METTL25: variants seen among roughly 807,000 people sequenced by gnomAD.
METTL25 encodes probable methyltransferase-like protein 25.
A neutral mutation model predicts 71.6 loss-of-function variants in METTL25; 64 were observed. The ratio of observed to expected loss-of-function variants is 0.89; its 90% confidence interval spans 0.73 to 1.10. The LOEUF (loss-of-function observed/expected upper bound fraction) is 1.10, where lower values mean the gene tolerates loss of function less well. Ranked by LOEUF, METTL25 falls within the 50% of genes least tolerant of loss-of-function variation. METTL25 has a pLI of 0.00. For missense variants in METTL25, 807 were observed against 707.0 expected (o/e 1.14, Z -1.60); for synonymous variants, 287 against 250.3 (o/e 1.15, Z -1.38).
Position 82,366,508 on chromosome 12 carries a change from C to G in METTL25, c.259+7684C>G, listed in dbSNP as rs1266427773. Among the ~76,000 whole-genome samples the G allele has an allele frequency of 2.6e-5, 4 of 151,894 alleles. 1 individual carries two copies. The highest frequency in any genetic ancestry group is 4.4e-5 in the Non-Finnish European group (3 of 67,994). ...TCATCTGGTGTAATTATTTTACTAC[C>G]ATTTTAATTGAACAACACAGAAAGT... On this transcript the variant is annotated intron_variant, in intron 1 of 11. Coordinates refer to ENST00000248306, the MANE Select transcript of METTL25 (RefSeq NM_032230.3).
chr12:82,397,620 T>G (rs1455361446), intron 3 of METTL25, among the ~76,000 whole-genome samples: 2 of 152,050 alleles, frequency 1.3e-5, no homozygotes, highest in African/African-American at 4.8e-5. Flanking sequence ...TTGTGTTTGA[T>G]TTGTAGCAGA....
At chr12:82,365,499 ACC>A (rs980893497) in intron 1 of METTL25, among the ~76,000 whole-genome samples, 2 of 152,330 alleles carry the variant, frequency 1.3e-5, no homozygotes, top group African/African-American at 4.8e-5. Flanking sequence ...GATAAATATG[ACC>A]TATATCTTAT....
intron 5 of METTL25, among the ~76,000 whole-genome samples, chr12:82,420,986 G>A (rs188092569): frequency 2.6e-5 from 4 of 152,002 alleles, no homozygotes; most frequent in East Asian, 1.9e-4. Flanking sequence ...CTCAGCCTCC[G>A]AAGTAGCTCG....
In METTL25 at chr12:82,361,932, G is replaced by A. The variant is rs80138431; in HGVS notation, c.259+3108G>A. On this transcript the variant is annotated intron_variant, in intron 1 of 11. Coordinates refer to ENST00000248306, the MANE Select transcript of METTL25 (RefSeq NM_032230.3). Reference sequence around the variant, plus strand: ...GAGTGGGCGCCAAGGCTGAGGAGGCGCCAAGAGCGAGTGAGGGCTGCCGGC... The same window carrying A: ...GAGTGGGCGCCAAGGCTGAGGAGGCACCAAGAGCGAGTGAGGGCTGCCGGC... 8.5e-5 allele frequency among the ~76,000 whole-genome samples: 13 copies of A among 152,220 alleles called. No homozygotes were observed. The South Asian group carries it at 1.2e-3, about 15-fold the overall frequency.
At chr12:82,453,518 T>C (rs1439908198) in intron 8 of METTL25, among the ~76,000 whole-genome samples, 1 of 152,144 alleles carries the variant, frequency 6.6e-6, no homozygotes, top group East Asian at 1.9e-4. Context: ...GGGATAATAA[T>C]GGGACCTACC....
intron 1 of METTL25, among the ~76,000 whole-genome samples, chr12:82,366,760 T>G (rs1054552439): frequency 6.6e-6 from 1 of 152,252 alleles, no homozygotes; most frequent in African/African-American, 2.4e-5. Flanking sequence ...ATAATTAGTG[T>G]GTTCTGTTTT....
At chr12:82,407,832 G>T in intron 5 of METTL25, 15 of 985,320 alleles carry the variant, frequency 1.5e-5, no homozygotes, top group Non-Finnish European at 1.7e-5. Context: ...CCTAGCCCTG[G>T]ACTGCCACAT....
chr12:82,376,138 G>T (rs1391059082), intron 1 of METTL25, among the ~76,000 whole-genome samples: 1 of 152,170 alleles, frequency 6.6e-6, no homozygotes, highest in African/African-American at 2.4e-5. Context: ...CTCAAGAAAT[G>T]GTTTTCAATC....
chr12:82,360,328 T>TC (rs1410245076), intron 1 of METTL25, among the ~76,000 whole-genome samples: 2 of 152,070 alleles, frequency 1.3e-5, no homozygotes, highest in African/African-American at 4.8e-5. Flanking sequence ...TCTTTTAATC[T>TC]TTACATCAGC....
At chr12:82,417,729 A>G (rs1888110410) in intron 5 of METTL25, among the ~76,000 whole-genome samples, 2 of 152,198 alleles carry the variant, frequency 1.3e-5, no homozygotes, top group South Asian at 4.1e-4. Context: ...CAGAGTAACC[A>G]GCAGATATAT....
chr12:82,379,484 G>A (rs1884213105), intron 1 of METTL25, among the ~76,000 whole-genome samples: 1 of 150,002 alleles, frequency 6.7e-6, no homozygotes, highest in Admixed American at 6.7e-5. Context: ...TTTAAATGAA[G>A]TTTAAAGTTT....
chr12:82,426,814 C>T (rs1431081716), intron 5 of METTL25, among the ~76,000 whole-genome samples: 1 of 151,930 alleles, frequency 6.6e-6, no homozygotes, highest in Non-Finnish European at 1.5e-5. Flanking sequence ...CATATCTTCG[C>T]TTTATCACCA....
chr12:82,362,841 T>G (rs1183440617), intron 1 of METTL25, among the ~76,000 whole-genome samples: 1 of 152,196 alleles, frequency 6.6e-6, no homozygotes, highest in Non-Finnish European at 1.5e-5. Flanking sequence ...CAGATTCCCC[T>G]GCAGATAACA....
intron 1 of METTL25, among the ~76,000 whole-genome samples, chr12:82,361,303 CAT>C (rs996555243): frequency 6.6e-6 from 1 of 152,216 alleles, no homozygotes; most frequent in Non-Finnish European, 1.5e-5. Flanking sequence ...CTTAGCTAGA[CAT>C]AAAGTTTATC....
Position 82,386,882 on chromosome 12 carries a change from A to G in METTL25, c.339A>G (p.Lys113=), listed in dbSNP as rs375859621. 1 of 1,613,440 alleles carries G rather than the reference A, an allele frequency of 6.2e-7. No homozygotes were observed. Among genetic ancestry groups the G allele is most frequent in the Non-Finnish European group, 8.5e-7 (1 of 1,179,682 alleles). The change falls in exon 2 of 12, where the codon AAA becomes AAG. Residue 113 remains lysine (K), a synonymous_variant. Coordinates refer to ENST00000248306, the MANE Select transcript of METTL25 (RefSeq NM_032230.3). ...VSVEAFALAA[K]YYSVQNLGIC... ...TGGAAGCCTTTGCTCTGGCTGCGAAATACTATTCTGTACAAAACTTGGGAA... is the reference window on the plus strand; with the variant it reads ...TGGAAGCCTTTGCTCTGGCTGCGAAGTACTATTCTGTACAAAACTTGGGAA...
intron 1 of METTL25, among the ~76,000 whole-genome samples, chr12:82,362,046 G>A (rs915976730): frequency 3.3e-5 from 5 of 152,214 alleles, no homozygotes; most frequent in African/African-American, 1.2e-4. Context: ...GTTTGGAAAA[G>A]CACACTAACA....
intron 3 of METTL25, among the ~76,000 whole-genome samples, chr12:82,398,366 C>A (rs2137000371): frequency 6.6e-6 from 1 of 151,900 alleles, no homozygotes; most frequent in East Asian, 1.9e-4. Flanking sequence ...TAGGTTTGAG[C>A]CACCAAGCTT....
intron 2 of METTL25, chr12:82,388,698 A>G (rs1885287887): frequency 6.6e-6 from 1 of 152,168 alleles, no homozygotes; most frequent in African/African-American, 2.4e-5. Flanking sequence ...GTCCAGTACA[A>G]GAAAGAGTTG....
chr12:82,418,586 C>A (rs558189598), intron 5 of METTL25, among the ~76,000 whole-genome samples: 1 of 152,076 alleles, frequency 6.6e-6, no homozygotes, highest in Non-Finnish European at 1.5e-5. Context: ...GCATATTTCT[C>A]ATCTTGTTTA....
Sources: gnomAD v4.1 joint callset for allele counts (sites outside exome capture counted in the v4.1 genomes callset) on GRCh38, gnomAD v4.1.1 for gene constraint, MANE v1.5 for transcripts, NCBI Gene and HGNC (gene_info 2026-07-23, HGNC 2026-07-21) for gene names.